GRM1: variants seen among roughly 807,000 people sequenced by gnomAD.
GRM1 encodes the protein glutamate metabotropic receptor 1.
A neutral mutation model predicts 90.9 loss-of-function variants in GRM1; 33 were observed. The ratio of observed to expected loss-of-function variants is 0.36; its 90% CI spans 0.28 to 0.49. GRM1 has a LOEUF of 0.49. Among genes scored for constraint, GRM1 ranks in the 20% least tolerant of loss-of-function variants. The pLI is 0.99. For synonymous variants in GRM1, 700 were observed against 613.2 expected, an observed-to-expected ratio of 1.14 and a Z score of -2.09; for missense variants, 1,190 against 1,534.3, an observed-to-expected ratio of 0.78 and a Z score of 3.75.
At chr6:146,074,785 T>C (rs899126459) in intron 1 of GRM1, among the ~76,000 whole-genome samples, 2 of 152,158 alleles carry the variant, frequency 1.3e-5, no homozygotes, top group Non-Finnish European at 2.9e-5. Context: ...CCGACACAAA[T>C]ATCCCACAGG....
At chr6:146,162,786 TTA>T (rs1427395988) in intron 2 of GRM1, among the ~76,000 whole-genome samples, 8 of 151,186 alleles carry the variant, frequency 5.3e-5, no homozygotes, top group Admixed American at 5.3e-4. Flanking sequence ...AATAAAAATA[TTA>T]TATATTGAAA....
At position 146,030,268 on chromosome 6, in the gene GRM1, A is replaced by G. The variant is rs755493268; in HGVS notation, c.700+51A>G. 4 of 1,181,584 alleles carry G rather than the reference A, an allele frequency of 3.4e-6. No homozygotes were observed. The South Asian group carries it at 4.9e-5, about 14-fold the overall frequency. The allele number at this position is 1,181,584 out of a possible 1,614,324, so 73.2% of individuals were successfully genotyped here. A position where few individuals can be genotyped will look rare whatever the true frequency, so the allele number is the denominator to read the frequency against. On this transcript the variant is annotated intron_variant, in intron 1 of 7. Coordinates refer to ENST00000282753, the MANE Select transcript of GRM1 (RefSeq NM_001278064.2). ...GGTACTGAGAAAGTCAGGGCAATGCATGATGTGCTCCTGGGATCATAGTAT... is the reference window on the plus strand; with the variant it reads ...GGTACTGAGAAAGTCAGGGCAATGCGTGATGTGCTCCTGGGATCATAGTAT...
intron 7 of GRM1, among the ~76,000 whole-genome samples, chr6:146,411,673 G>GTGGCTT (rs1229357644): frequency 6.6e-6 from 1 of 152,180 alleles, no homozygotes; most frequent in Non-Finnish European, 1.5e-5. Context: ...GGCCTGACCT[G>GTGGCTT]TGGCTTTGAC....
rs1319783893 is a variant in GRM1 at position 146,434,583 on chromosome 6, G to A, written c.3372G>A (p.Leu1124=). 1 of 1,613,874 alleles carries A rather than the reference G, an allele frequency of 6.2e-7. No individual in the cohort carries two copies. The highest frequency in any genetic ancestry group is 8.5e-7 in the Non-Finnish European group (1 of 1,179,994). Residue 1124 remains leucine (L), a synonymous_variant, in exon 8 of 8, where the codon CTG becomes CTA. Coordinates refer to ENST00000282753, the MANE Select transcript of GRM1 (RefSeq NM_001278064.2). ...EREGNTEEDE[L]EEEEEDLQAA... is the part of the protein sequence containing the mutation. ...AAGGGAACACGGAAGAAGACGAACT[G>A]GAAGAGGAGGAGGAGGACCTGCAGG...
intron 1 of GRM1, among the ~76,000 whole-genome samples, chr6:146,055,567 G>C (rs1185076805): frequency 6.6e-6 from 1 of 151,938 alleles, no homozygotes; most frequent in Non-Finnish European, 1.5e-5. Flanking sequence ...AATTTTAAAT[G>C]CAAATTCAAT....
At position 146,302,143 on chromosome 6, in the gene GRM1, G is replaced by T. The variant is rs936678992; in HGVS notation, c.951-2468G>T. Among the ~76,000 whole-genome samples the T allele has an allele frequency of 9.2e-5, 14 of 151,394 alleles. No homozygotes were observed. In the East Asian group the frequency reaches 9.7e-4, roughly 10 times the overall value. ...CAAACTTTTTCTTGTATGTTAATCTGCCAGGAACCTTCTATACCAAACCCT... is the reference window on the plus strand; with the variant it reads ...CAAACTTTTTCTTGTATGTTAATCTTCCAGGAACCTTCTATACCAAACCCT... On this transcript the variant is annotated intron_variant, in intron 2 of 7. Coordinates refer to ENST00000282753, the MANE Select transcript of GRM1 (RefSeq NM_001278064.2).
intron 3 of GRM1, among the ~76,000 whole-genome samples, chr6:146,329,456 G>A (rs994943057): frequency 1.1e-4 from 17 of 152,112 alleles, no homozygotes; most frequent in Non-Finnish European, 7.4e-5. Context: ...TGAGACCCCT[G>A]GCTTTCTTGA....
chr6:146,218,265 C>T (rs907576070), intron 2 of GRM1, among the ~76,000 whole-genome samples: 20 of 152,188 alleles, frequency 1.3e-4, no homozygotes, highest in African/African-American at 4.8e-4. Flanking sequence ...ACTGTGAGAT[C>T]GAGAATAAGG....
intron 2 of GRM1, among the ~76,000 whole-genome samples, chr6:146,192,766 G>C (rs1285590346): frequency 6.6e-6 from 1 of 152,112 alleles, no homozygotes; most frequent in Non-Finnish European, 1.5e-5. Flanking sequence ...TGAATTGTAT[G>C]TACTAGCAAA....
At chr6:146,303,826 G>A (rs1180720896) in intron 2 of GRM1, among the ~76,000 whole-genome samples, 1 of 152,068 alleles carries the variant, frequency 6.6e-6, no homozygotes, top group Non-Finnish European at 1.5e-5. Context: ...TTTGTCTGGT[G>A]GAATTTGTCT....
intron 2 of GRM1, among the ~76,000 whole-genome samples, chr6:146,161,848 A>T (rs28360563): frequency 0.1 from 15,781 of 152,230 alleles, 923 homozygotes; most frequent in South Asian, 0.15. Context: ...TCTCCCTTCC[A>T]TGACATTCAG....
At chr6:146,316,594 G>A (rs931929008) in intron 3 of GRM1, among the ~76,000 whole-genome samples, 5 of 152,136 alleles carry the variant, frequency 3.3e-5, no homozygotes, top group Non-Finnish European at 2.9e-5. Flanking sequence ...AAACAGATTC[G>A]AAAAGTCATT....
intron 1 of GRM1, among the ~76,000 whole-genome samples, chr6:146,115,470 T>C (rs1374105799): frequency 1.3e-5 from 2 of 152,190 alleles, no homozygotes; most frequent in Non-Finnish European, 2.9e-5. Context: ...ATTCAATATT[T>C]CTTGATTAAA....
Position 146,406,183 on chromosome 6 carries a change from G to A in GRM1, c.2660+6484G>A, listed in dbSNP as rs571700558. 1.1e-4 allele frequency among the ~76,000 whole-genome samples: 16 copies of A among 152,258 alleles called. No homozygotes were observed. In the East Asian group the frequency reaches 2.1e-3, roughly 20 times the overall value. On this transcript the variant is annotated intron_variant, in intron 7 of 7. Transcript: ENST00000282753. ...CTGGTGTGTGCCGGGAGGCCTGGCC[G>A]AGAGCTAGGCTGTTAGCAGAGCCAT...
intron 1 of GRM1, among the ~76,000 whole-genome samples, chr6:146,093,805 A>G (rs992611430): frequency 2.0e-5 from 3 of 152,110 alleles, no homozygotes; most frequent in African/African-American, 7.2e-5. Flanking sequence ...TACATGCCCT[A>G]TGAATATAAT....
chr6:146,080,287 T>G (rs1776320521), intron 1 of GRM1, among the ~76,000 whole-genome samples: 1 of 152,172 alleles, frequency 6.6e-6, no homozygotes, highest in Non-Finnish European at 1.5e-5. Context: ...ATAATAATAC[T>G]TTCAAATATT....
At chr6:146,111,142 A>C (rs531145865) in intron 1 of GRM1, among the ~76,000 whole-genome samples, 1 of 152,184 alleles carries the variant, frequency 6.6e-6, no homozygotes, top group Non-Finnish European at 1.5e-5. Context: ...CCTGTCTGTG[A>C]ATGTGCAGAA....
rs577546115 is a variant in GRM1 at position 146,043,796 on chromosome 6, T to TATATAGAGAG, written c.700+13584_700+13585insGAGAGATATA. On this transcript the variant is annotated intron_variant, in intron 1 of 7. Coordinates refer to ENST00000282753, the MANE Select transcript of GRM1 (RefSeq NM_001278064.2). ...AAGAGTCAGGTGATATATATATATA[T>TATATAGAGAG]ATATATATATATATAAAGGGAAGTG... 3.8e-4 allele frequency among the ~76,000 whole-genome samples: 52 copies of TATATAGAGAG among 137,942 alleles called. 1 individual carries two copies. Among genetic ancestry groups the TATATAGAGAG allele is most frequent in the African/African-American group, 1.3e-3 (51 of 38,346 alleles). The allele number at this position is 137,942 out of a possible 152,430, so 90.5% of individuals were successfully genotyped here.
chr6:146,097,945 G>A (rs944767293), intron 1 of GRM1, among the ~76,000 whole-genome samples: 2 of 152,120 alleles, frequency 1.3e-5, no homozygotes, highest in Non-Finnish European at 2.9e-5. Context: ...TAAATTCTGT[G>A]ATCTCCTTAT....
Sources: allele counts gnomAD v4.1 joint callset (sites outside exome capture counted in the v4.1 genomes callset), GRCh38; gene constraint gnomAD v4.1.1; transcripts MANE v1.5; gene names NCBI Gene and HGNC (gene_info 2026-07-23, HGNC 2026-07-21).